NTM: variants seen among roughly 807,000 people sequenced by gnomAD.
NTM encodes neurotrimin, also known as IgLON family member 2.
NTM carries 13 observed loss-of-function variants against 42.1 expected under a neutral mutation model. That is an observed-to-expected ratio of 0.31 (90% CI 0.20 to 0.49). The LOEUF (loss-of-function observed/expected upper bound fraction) is 0.49, where lower values mean the gene tolerates loss of function less well. Among genes scored for constraint, NTM ranks in the 20% least tolerant of loss-of-function variants. The pLI is 0.99. For missense variants in NTM, 373 were observed against 452.8 expected, an observed-to-expected ratio of 0.82 and a Z score of 1.60; for synonymous variants, 187 against 179.2, an observed-to-expected ratio of 1.04 and a Z score of -0.35.
At chr11:131,831,141 A>G (rs758399341) in intron 1 of NTM, among the ~76,000 whole-genome samples, 2 of 152,012 alleles carry the variant, frequency 1.3e-5, no homozygotes, top group Non-Finnish European at 2.9e-5. Flanking sequence ...TTTTTTTCCT[A>G]TTTGGATGCC....
intron 7 of NTM, among the ~76,000 whole-genome samples, chr11:132,325,947 C>T (rs1372203242): frequency 1.3e-5 from 2 of 149,772 alleles, no homozygotes; most frequent in Admixed American, 6.7e-5. Context: ...TGTTCTCACT[C>T]ATAGGTGGGA....
chr11:131,808,979 C>A lies in NTM; in HGVS notation c.83-102585C>A, dbSNP rs906230778. On this transcript the variant is annotated intron_variant, in intron 1 of 8. Transcript: ENST00000683400. Reference sequence around the variant, plus strand: ...GATACATCACACCTACCTAGCAATGCTAATGTGAATAGAAATGTAGCAGAC... The same window carrying A: ...GATACATCACACCTACCTAGCAATGATAATGTGAATAGAAATGTAGCAGAC... Among the ~76,000 whole-genome samples the A allele has an allele frequency of 5.9e-5, 9 of 152,184 alleles. No homozygotes were observed. The East Asian group carries it at 1.7e-3, about 29-fold the overall frequency.
intron 1 of NTM, among the ~76,000 whole-genome samples, chr11:131,701,383 C>T (rs2076057382): frequency 1.3e-5 from 2 of 152,188 alleles, no homozygotes; most frequent in South Asian, 4.1e-4. Flanking sequence ...TATTCCTTTT[C>T]TCCTCCAATC....
intron 1 of NTM, among the ~76,000 whole-genome samples, chr11:131,690,043 C>T (rs1438441656): frequency 1.3e-5 from 2 of 152,154 alleles, no homozygotes; most frequent in Non-Finnish European, 2.9e-5. Flanking sequence ...TTGCTGAATT[C>T]ATGATGAGAT....
intron 1 of NTM, among the ~76,000 whole-genome samples, chr11:131,440,630 A>G (rs1949535350): frequency 6.6e-6 from 1 of 151,788 alleles, no homozygotes; most frequent in African/African-American, 2.4e-5. Context: ...CTGGGTGATG[A>G]TGATTCTGTT....
intron 1 of NTM, among the ~76,000 whole-genome samples, chr11:131,594,953 C>T (rs931145720): frequency 1.3e-5 from 2 of 152,174 alleles, no homozygotes; most frequent in African/African-American, 4.8e-5. Context: ...TCTCTCTGGG[C>T]TCTGTTCTCT....
At chr11:131,975,365 A>G (rs574875006) in intron 2 of NTM, among the ~76,000 whole-genome samples, 24 of 152,210 alleles carry the variant, frequency 1.6e-4, no homozygotes, top group Admixed American at 5.2e-4. Flanking sequence ...TTTTTAGTAG[A>G]GATAGGGTTT....
At chr11:131,511,764 T>C (rs1423024139) in intron 1 of NTM, among the ~76,000 whole-genome samples, 1 of 152,148 alleles carries the variant, frequency 6.6e-6, no homozygotes, top group Non-Finnish European at 1.5e-5. Flanking sequence ...ATAGGCAACA[T>C]CTAGTTCCAT....
chr11:131,918,020 T>G (rs1481329875), intron 2 of NTM, among the ~76,000 whole-genome samples: 1 of 152,236 alleles, frequency 6.6e-6, no homozygotes, highest in East Asian at 1.9e-4. Flanking sequence ...CGTAAGTGCT[T>G]TGCAGAAAAA....
chr11:131,476,192 T>C (rs957858435), intron 1 of NTM, among the ~76,000 whole-genome samples: 1 of 152,236 alleles, frequency 6.6e-6, no homozygotes, highest in African/African-American at 2.4e-5. Context: ...TTGCCTAGGG[T>C]ATGTTCTTCT....
At chr11:131,725,901 C>T (rs773968035) in intron 1 of NTM, among the ~76,000 whole-genome samples, 13 of 152,126 alleles carry the variant, frequency 8.5e-5, no homozygotes, top group East Asian at 1.9e-4. Flanking sequence ...TGAGGCCTCT[C>T]GCTAGATTCA....
intron 1 of NTM, among the ~76,000 whole-genome samples, chr11:131,486,566 T>G (rs1448008584): frequency 1.3e-5 from 2 of 152,162 alleles, no homozygotes; most frequent in African/African-American, 2.4e-5. Flanking sequence ...ATTCCCAGAT[T>G]GAGTTTTTCT....
intron 1 of NTM, among the ~76,000 whole-genome samples, chr11:131,489,700 A>G (rs1954564615): frequency 6.6e-6 from 1 of 152,164 alleles, no homozygotes. Flanking sequence ...AAAATTGGCC[A>G]ATTCTTTGGC....
chr11:131,823,934 T>C (rs942467780), intron 1 of NTM, among the ~76,000 whole-genome samples: 6 of 152,216 alleles, frequency 3.9e-5, no homozygotes, highest in East Asian at 1.9e-4. Flanking sequence ...CAGTTTCTGT[T>C]TGTTCTTTAT....
intron 1 of NTM, among the ~76,000 whole-genome samples, chr11:131,704,395 C>T (rs530354381): frequency 3.9e-4 from 59 of 152,358 alleles, no homozygotes; most frequent in African/African-American, 1.4e-3. Context: ...GACACAGCCC[C>T]CTCCAGCATG....
intron 1 of NTM, among the ~76,000 whole-genome samples, chr11:131,725,683 A>G (rs928453381): frequency 5.3e-5 from 8 of 152,204 alleles, no homozygotes; most frequent in South Asian, 2.1e-4. Context: ...CGGGGAAGCA[A>G]TGCACCTATA....
intron 1 of NTM, among the ~76,000 whole-genome samples, chr11:131,701,096 C>T (rs1438428653): frequency 6.6e-6 from 1 of 152,154 alleles, no homozygotes; most frequent in African/African-American, 2.4e-5. Flanking sequence ...TCTCAGTTTC[C>T]AGTTGGTGGA....
intron 2 of NTM, among the ~76,000 whole-genome samples, chr11:132,054,088 G>A (rs557427164): frequency 1.3e-5 from 2 of 152,318 alleles, no homozygotes; most frequent in East Asian, 3.9e-4. Context: ...GGTGACACAC[G>A]TCTATAGTCC....
chr11:132,310,901 A>G (rs554216212), intron 6 of NTM, among the ~76,000 whole-genome samples: 1 of 152,324 alleles, frequency 6.6e-6, no homozygotes, highest in African/African-American at 2.4e-5. Flanking sequence ...GCCAGGCACC[A>G]TGGCAATTGC....
Sources: gnomAD v4.1 joint callset for allele counts (sites outside exome capture counted in the v4.1 genomes callset) on GRCh38, gnomAD v4.1.1 for gene constraint, MANE v1.5 for transcripts, NCBI Gene and HGNC (gene_info 2026-07-23, HGNC 2026-07-21) for gene names.